Variants in KHDRBS1 observed in about 807,000 individuals in gnomAD.
KHDRBS1 encodes KH RNA binding domain containing, signal transduction associated 1, also known as KH domain-containing, RNA-binding, signal transduction-associated protein 1.
A neutral mutation model predicts 48.4 loss-of-function variants in KHDRBS1; 7 were observed. That is an observed-to-expected ratio of 0.14 (90% CI 0.08 to 0.27). The LOEUF is 0.27. Ranked by LOEUF, KHDRBS1 falls within the 10% of genes least tolerant of loss-of-function variation. The pLI is 1.00. For synonymous variants in KHDRBS1, 241 were observed against 235.8 expected, an observed-to-expected ratio of 1.02 and a Z score of -0.20; for missense variants, 458 against 601.2, an observed-to-expected ratio of 0.76 and a Z score of 2.49.
At chr1:32,024,327 A>G (rs572582207) in intron 1 of KHDRBS1, among the ~76,000 whole-genome samples, 20 of 151,310 alleles carry the variant, frequency 1.3e-4, no homozygotes, top group Non-Finnish European at 2.9e-4. Flanking sequence ...ATTTTTTTTT[A>G]GAGACAGGGT....
At chr1:32,031,213 C>T (rs918069383) in intron 2 of KHDRBS1, among the ~76,000 whole-genome samples, 2 of 152,134 alleles carry the variant, frequency 1.3e-5, no homozygotes, top group Non-Finnish European at 2.9e-5. Flanking sequence ...TGTCACTACA[C>T]TTTGGCCTGG....
At chr1:32,039,468 A>T in intron 7 of KHDRBS1, 47 bp from the exon 8 acceptor site, 1 of 870,198 alleles carries the variant, frequency 1.1e-6, no homozygotes, top group South Asian at 1.3e-5. Context: ...AGAAAGTTGA[A>T]ACATAGTTAC....
In KHDRBS1 at chr1:32,033,326, C is replaced by T. The variant is rs1038591434; in HGVS notation, c.763C>T (p.Leu255=). Residue 255 remains leucine (L), a synonymous_variant, in exon 4 of 9, where the codon CTA becomes TTA. Transcript: ENST00000327300. ...TGCCATGGAGGAAGTCAAGAAATTT[C>T]TAGTACCGGTAAGGAAATCCATATC... The part of the protein sequence containing the change: ...AHAMEEVKKF[L]VPDMMDDICQ... 3 of 1,613,984 alleles carry T rather than the reference C, an allele frequency of 1.9e-6. No individual in the cohort carries two copies. The highest frequency in any genetic ancestry group is 2.5e-6 in the Non-Finnish European group (3 of 1,179,942).
chr1:32,028,749 C>T lies in KHDRBS1; in HGVS notation c.383-1549C>T, dbSNP rs572873121. ...CTCGATTTCCAGACCTTGTGATCCTCCTGCCTCAGCCTCCCAAAGTGCTGG... is the reference window on the plus strand; with the variant it reads ...CTCGATTTCCAGACCTTGTGATCCTTCTGCCTCAGCCTCCCAAAGTGCTGG... On this transcript the variant is annotated intron_variant, in intron 1 of 8. Transcript: ENST00000327300. 3.2e-4 allele frequency among the ~76,000 whole-genome samples: 49 copies of T among 151,530 alleles called. 1 individual carries two copies. Among genetic ancestry groups the T allele is most frequent in the Admixed American group, 3.9e-4 (6 of 15,200 alleles).
Position 32,043,534 on chromosome 1 carries a change from C to A in KHDRBS1, c.*910C>A, listed in dbSNP as rs1207167109. The A allele has an allele frequency of 2.0e-5, 3 of 152,498 alleles. No individual in the cohort carries two copies. The highest frequency in any genetic ancestry group is 2.9e-5 in the Non-Finnish European group (2 of 68,018). 9.4% of individuals were successfully genotyped at this position (152,498 alleles called of 1,614,324 possible). On this transcript the variant is annotated 3_prime_UTR_variant, in exon 9 of 9. Coordinates refer to ENST00000327300, the MANE Select transcript of KHDRBS1 (RefSeq NM_006559.3). ...ATTTAAAAAGACAAAGTATTTTGTC[C>A]ATTTGAGATTCTGCACTCCATGAAA... is the stretch of plus-strand genomic sequence containing the variant.
intron 1 of KHDRBS1, among the ~76,000 whole-genome samples, chr1:32,014,762 A>G (rs1315730987): frequency 6.6e-6 from 1 of 151,992 alleles, no homozygotes; most frequent in Non-Finnish European, 1.5e-5. Flanking sequence ...GCGGGTGGCG[A>G]TGAGCGCCTC....
chr1:32,029,518 A>G (rs916379704), intron 1 of KHDRBS1, among the ~76,000 whole-genome samples: 19 of 152,084 alleles, frequency 1.2e-4, no homozygotes, highest in African/African-American at 4.3e-4. Context: ...TTAGCCGGGC[A>G]TGGTGGCACA....
downstream of KHDRBS1, among the ~76,000 whole-genome samples, chr1:32,047,638 A>G (rs554898421): frequency 6.6e-6 from 1 of 152,346 alleles, no homozygotes; most frequent in South Asian, 2.1e-4. Flanking sequence ...TGTATGCATC[A>G]TAATATCCTA....
Position 32,031,616 on chromosome 1 carries a change from G to A in KHDRBS1, c.600G>A (p.Lys200=). Residue 200 remains lysine, a synonymous_variant, in exon 3 of 9, where the codon AAG becomes AAA. Coordinates refer to ENST00000327300, the MANE Select transcript of KHDRBS1 (RefSeq NM_006559.3). The stretch of plus-strand genomic sequence containing the variant: ...GTGCAAAGATCTCTGTATTGGGAAA[G>A]GGCTCAATGAGAGACAAAGCCAAGG... ...ETGAKISVLG[K]GSMRDKAKEE... is the part of the protein sequence containing the mutation. 1 of 1,610,338 alleles carries A rather than the reference G, an allele frequency of 6.2e-7. No homozygotes were observed. Among genetic ancestry groups the A allele is most frequent in the Non-Finnish European group, 8.5e-7 (1 of 1,178,456 alleles).
intron 1 of KHDRBS1, among the ~76,000 whole-genome samples, chr1:32,029,386 G>A (rs999157622): frequency 6.6e-6 from 1 of 152,110 alleles, no homozygotes; most frequent in Non-Finnish European, 1.5e-5. Flanking sequence ...GGCTGGGCGC[G>A]GTGGCTCACG....
At chr1:32,042,034 G>T (rs189156085) in intron 8 of KHDRBS1, among the ~76,000 whole-genome samples, 2 of 152,172 alleles carry the variant, frequency 1.3e-5, no homozygotes, top group African/African-American at 4.8e-5. Flanking sequence ...ACACTTCTCC[G>T]TAAGGAAACG....
At chr1:32,038,443 T>A (rs1467701198) in intron 6 of KHDRBS1, 109 bp from the exon 7 acceptor site, 7 of 1,067,220 alleles carry the variant, frequency 6.6e-6, no homozygotes, top group Non-Finnish European at 8.3e-6. Context: ...GAGGGAAATG[T>A]CATGTCCTTT....
intron 2 of KHDRBS1, among the ~76,000 whole-genome samples, chr1:32,031,071 A>C (rs1266253769): frequency 6.6e-6 from 1 of 152,128 alleles, no homozygotes; most frequent in Admixed American, 6.5e-5. Context: ...CAACATAGCG[A>C]AACCCCATCT....
At chr1:32,057,675 T>C (rs1271881616) in intron 10 of KHDRBS1, among the ~76,000 whole-genome samples, 1 of 151,272 alleles carries the variant, frequency 6.6e-6, no homozygotes, top group Non-Finnish European at 1.5e-5. Context: ...GGCGGGTGCC[T>C]GTAGTCCCAG....
rs1180073783 is a variant in KHDRBS1 at position 32,014,055 on chromosome 1, C to A, written c.60C>A (p.Ser20=). The A allele has an allele frequency of 6.6e-6, 10 of 1,512,924 alleles. No individual in the cohort carries two copies. The highest frequency in any genetic ancestry group is 2.1e-5 in the Admixed American group (1 of 47,662). 93.7% of individuals were successfully genotyped at this position (1,512,924 alleles called of 1,614,324 possible). The change falls in exon 1 of 9, where the codon TCC becomes TCA. Residue 20 remains serine (S), a synonymous_variant. Coordinates refer to ENST00000327300, the MANE Select transcript of KHDRBS1 (RefSeq NM_006559.3). ...GCCGGTCTTCGGGCCGTAGCGGCTCCATGGACCCCTCCGGTGCCCACCCCT... is the reference window on the plus strand; with the variant it reads ...GCCGGTCTTCGGGCCGTAGCGGCTCAATGGACCCCTCCGGTGCCCACCCCT... ...RMSRSSGRSG[S]MDPSGAHPSV... is the part of the protein sequence containing the mutation.
chr1:32,019,262 A>G (rs1638806675), intron 1 of KHDRBS1, among the ~76,000 whole-genome samples: 1 of 152,072 alleles, frequency 6.6e-6, no homozygotes, highest in South Asian at 2.1e-4. Flanking sequence ...ACAACAGAAA[A>G]TATTTGGCTG....
chr1:32,053,852 G>T (rs553822970), intron 10 of KHDRBS1, among the ~76,000 whole-genome samples: 4 of 152,160 alleles, frequency 2.6e-5, no homozygotes, highest in Non-Finnish European at 5.9e-5. Flanking sequence ...GGAGGCCGAG[G>T]TGGGCGGATC....
At chr1:32,047,114 T>A (rs1639366303), downstream of KHDRBS1, among the ~76,000 whole-genome samples, 1 of 152,178 alleles carries the variant, frequency 6.6e-6, no homozygotes, top group Admixed American at 6.5e-5. Flanking sequence ...CTTCGCCCAT[T>A]GATCCAAGTG....
In KHDRBS1 at chr1:32,030,333, G is replaced by T. The variant is rs763237333; in HGVS notation, c.418G>T (p.Asp140Tyr). The change falls in exon 2 of 9, where the codon GAT (aspartate) becomes TAT (tyrosine). Residue 140 changes from aspartate (D) to tyrosine (Y), a missense_variant. Asp to Tyr is a radical substitution (Grantham distance 160). Around this residue, in one of 3 missense-constraint regions of KHDRBS1, gnomAD observed 213 missense variants for 215.6 expected, o/e 0.99. Transcript: ENST00000327300. ...EKIQKGDSKK[D>Y]DEENYLDLFS... is the part of the protein sequence containing the mutation. ...GATTCAGAAAGGAGACTCAAAAAAG[G>T]ATGATGAGGAGAATTACTTGGATTT... 6 of 1,610,778 alleles carry T rather than the reference G, an allele frequency of 3.7e-6. No individual in the cohort carries two copies. Among genetic ancestry groups the T allele is most frequent in the South Asian group, 1.1e-5 (1 of 90,538 alleles).
Sources: gnomAD v4.1 joint callset for allele counts (sites outside exome capture counted in the v4.1 genomes callset) on GRCh38, gnomAD v4.1.1 for gene constraint, gnomAD v4.1.1 regional missense constraint, MANE v1.5 for transcripts, NCBI Gene and HGNC (gene_info 2026-07-23, HGNC 2026-07-21) for gene names.